STN1: variants seen among roughly 807,000 people sequenced by gnomAD.
STN1 encodes the protein CST complex subunit STN1.
STN1 carries 29 observed loss-of-function variants against 45.5 expected under a neutral mutation model. The ratio of observed to expected loss-of-function variants is 0.64; its 90% CI spans 0.47 to 0.87. The LOEUF is 0.87. Ranked by LOEUF, STN1 falls within the 40% of genes least tolerant of loss-of-function variation. The pLI, the probability that STN1 is intolerant of heterozygous loss-of-function variation, is 0.00. For synonymous variants in STN1, 148 were observed against 159.0 expected (o/e 0.93, Z 0.52); for missense variants, 376 against 441.4 (o/e 0.85, Z 1.33).
intron 2 of STN1, among the ~76,000 whole-genome samples, chr10:103,914,370 A>ATT (rs1292355497): frequency 3.4e-5 from 1 of 29,056 alleles, no homozygotes; most frequent in African/African-American, 8.8e-5. Context: ...ATATATATAT[A>ATT]TATATTTTTT....
rs181024505 is a variant in STN1 at position 103,910,596 on chromosome 10, T to C, written c.160A>G (p.Ile54Val). The C allele has an allele frequency of 5.3e-5, 86 of 1,609,190 alleles. No homozygotes were observed. In the East Asian group the frequency reaches 1.9e-3, roughly 35 times the overall value. The change falls in exon 3 of 10, where the codon ATA becomes GTA. Residue 54 changes from isoleucine to valine, a missense_variant. Physicochemically the swap from Ile to Val is conservative, Grantham distance 29 (BLOSUM62 3). Coordinates refer to ENST00000224950, the MANE Select transcript of STN1 (RefSeq NM_024928.5). Reference sequence around the variant, plus strand: ...GTTCCCAAGACATCTACCTGTTTTATTGGATGTCCATTGTACAAAAATACA... The same window carrying C: ...GTTCCCAAGACATCTACCTGTTTTACTGGATGTCCATTGTACAAAAATACA... ...PGVFLYNGHP[I>V]KQVDVLGTVI...
At chr10:103,899,970 C>A in intron 5 of STN1, 92 bp downstream of exon 5, 1 of 1,257,472 alleles carries the variant, frequency 8.0e-7, no homozygotes, top group South Asian at 1.4e-5. Context: ...CTTAACTGAA[C>A]TTTTTGAAAG....
intron 9 of STN1, among the ~76,000 whole-genome samples, chr10:103,886,065 TA>T (rs1217355591): frequency 6.6e-6 from 1 of 152,200 alleles, no homozygotes; most frequent in African/African-American, 2.4e-5. Flanking sequence ...AAGTCTTTTT[TA>T]AAAGTTTGTC....
At chr10:103,891,717 C>T (rs977562812) in intron 8 of STN1, among the ~76,000 whole-genome samples, 1 of 152,080 alleles carries the variant, frequency 6.6e-6, no homozygotes. Context: ...AGATAAATGT[C>T]TAGAAGGATA....
At chr10:103,909,936 AC>A (rs1440396303) in intron 3 of STN1, among the ~76,000 whole-genome samples, 1 of 152,174 alleles carries the variant, frequency 6.6e-6, no homozygotes, top group African/African-American at 2.4e-5. Context: ...AAAAAGAAAG[AC>A]CTATTACACT....
intron 2 of STN1, among the ~76,000 whole-genome samples, chr10:103,911,832 G>C (rs1843293873): frequency 1.3e-5 from 2 of 152,156 alleles, no homozygotes; most frequent in Non-Finnish European, 2.9e-5. Flanking sequence ...ATAACCCCCA[G>C]ACTGGCCTCT....
In STN1 at chr10:103,897,654, A is replaced by T. The variant is rs1453078076; in HGVS notation, c.647T>A (p.Leu216His). 4 of 1,614,180 alleles carry T rather than the reference A, an allele frequency of 2.5e-6. No homozygotes were observed. Among genetic ancestry groups the T allele is most frequent in the Non-Finnish European group, 2.5e-6 (3 of 1,180,040 alleles). ...SLLSEKAKEF[L>H]MENRVQSFYQ... ...AAAGCTCTGCACTCTGTTCTCCATG[A>T]GGAATTCTTTGGCTTTTTCACTCAG... is the stretch of plus-strand genomic sequence containing the variant. The change falls in exon 7 of 10, where the codon CTC becomes CAC. Residue 216 changes from leucine to histidine, a missense_variant. Leu to His is a moderately conservative substitution (Grantham distance 99). Coordinates refer to ENST00000224950, the MANE Select transcript of STN1 (RefSeq NM_024928.5).
intron 2 of STN1, among the ~76,000 whole-genome samples, chr10:103,910,986 G>A (rs749997464): frequency 6.8e-5 from 10 of 146,862 alleles, no homozygotes; most frequent in Non-Finnish European, 1.3e-4. Context: ...AGGAAAGAGA[G>A]AGGAAACCAT....
chr10:103,892,198 C>T lies in STN1; in HGVS notation c.808G>A (p.Ala270Thr), dbSNP rs1843144159. The change falls in exon 8 of 10, where the codon GCT becomes ACT. Residue 270 changes from alanine to threonine, a missense_variant. By Grantham distance (58) the Ala-to-Thr change is moderately conservative. Coordinates refer to ENST00000224950, the MANE Select transcript of STN1 (RefSeq NM_024928.5). ...CCTTTTTCCTGCAGCAGTTGTATAG[C>T]ATTCTTAAATATACTATGAATTGCC... ...SKAIHSIFKNAIQLLQEKGLV... is the reference protein window; with the variant it reads ...SKAIHSIFKNTIQLLQEKGLV... 1 of 1,610,648 alleles carries T rather than the reference C, an allele frequency of 6.2e-7. No homozygotes were observed. Among genetic ancestry groups the T allele is most frequent in the Non-Finnish European group, 8.5e-7 (1 of 1,178,078 alleles).
At chr10:103,911,826 C>A (rs1449660175) in intron 2 of STN1, among the ~76,000 whole-genome samples, 1 of 152,178 alleles carries the variant, frequency 6.6e-6, no homozygotes, top group Non-Finnish European at 1.5e-5. Context: ...CCCCTTATAA[C>A]CCCCAGACTG....
Position 103,879,977 on chromosome 10 carries a change from C to T in STN1, c.*2707G>A, listed in dbSNP as rs1843057500. 6.6e-6 allele frequency among the ~76,000 whole-genome samples: 1 copy of T among 152,186 alleles called. No individual in the cohort carries two copies. Among genetic ancestry groups the T allele is most frequent in the African/African-American group, 2.4e-5 (1 of 41,436 alleles). ...TCTCGGTCACTTTGCAAGCCAGGGA[C>T]CTCTGGCTGGTGACGGCCCACCTGG... is the stretch of plus-strand genomic sequence containing the variant. On this transcript the variant is annotated 3_prime_UTR_variant, in exon 10 of 10. Coordinates refer to ENST00000224950, the MANE Select transcript of STN1 (RefSeq NM_024928.5).
intron 8 of STN1, 66 bp from the exon 9 acceptor site, chr10:103,889,210 C>T: frequency 3.0e-6 from 3 of 985,130 alleles, no homozygotes; most frequent in Non-Finnish European, 4.9e-6. Flanking sequence ...GTCATCCAGA[C>T]TTCCAAATTA....
At chr10:103,900,533 T>A (rs985235340) in intron 4 of STN1, among the ~76,000 whole-genome samples, 6 of 152,184 alleles carry the variant, frequency 3.9e-5, no homozygotes, top group African/African-American at 1.2e-4. Context: ...GGGCTCTGCA[T>A]GGCCTTGAGA....
intron 9 of STN1, among the ~76,000 whole-genome samples, chr10:103,888,200 C>T (rs750167570): frequency 7.2e-5 from 11 of 152,172 alleles, no homozygotes; most frequent in African/African-American, 2.2e-4. Flanking sequence ...AAACCTGGCC[C>T]AGCTTCACCC....
chr10:103,909,520 A>ATATATGTACATATATATATGTATATATG, intron 3 of STN1, among the ~76,000 whole-genome samples: 1 of 14,472 alleles, frequency 6.9e-5, no homozygotes, highest in Middle Eastern at 0.045. Flanking sequence ...GTATATATGT[A>ATATATGTACATATATATATGTATATATG]TATATATGTA....
chr10:103,895,536 C>T (rs1843165567), intron 7 of STN1, among the ~76,000 whole-genome samples: 1 of 152,222 alleles, frequency 6.6e-6, no homozygotes, highest in South Asian at 2.1e-4. Flanking sequence ...AGCGCTGCAA[C>T]TGTTTAGAAG....
intron 4 of STN1, among the ~76,000 whole-genome samples, chr10:103,904,846 T>G (rs1843230374): frequency 1.3e-5 from 2 of 152,214 alleles, no homozygotes; most frequent in South Asian, 4.1e-4. Flanking sequence ...CTGTAACCTA[T>G]TCACATTCTT....
chr10:103,911,491 G>A (rs765169667), intron 2 of STN1, among the ~76,000 whole-genome samples: 7 of 152,000 alleles, frequency 4.6e-5, no homozygotes, highest in African/African-American at 1.2e-4. Flanking sequence ...CCCCCATGAC[G>A]GCTAAATTCT....
intron 4 of STN1, among the ~76,000 whole-genome samples, chr10:103,901,311 T>C (rs1236218987): frequency 1.3e-5 from 2 of 152,234 alleles, no homozygotes; most frequent in African/African-American, 4.8e-5. Flanking sequence ...GGAATTGAAC[T>C]CCTGGCCTCA....
Sources: gnomAD v4.1 joint callset for allele counts (sites outside exome capture counted in the v4.1 genomes callset) on GRCh38, gnomAD v4.1.1 for gene constraint, MANE v1.5 for transcripts, NCBI Gene and HGNC (gene_info 2026-07-23, HGNC 2026-07-21) for gene names.